COL4A6: variants seen among roughly 807,000 people sequenced by gnomAD.
The protein encoded by COL4A6 is collagen alpha-6(IV) chain.
In COL4A6, 59 loss-of-function variants were observed where a neutral mutation model predicts 126.7. The observed-to-expected ratio is 0.47, with a 90% CI of 0.38 to 0.58. The LOEUF is 0.58. Ranked by LOEUF, COL4A6 falls within the 20% of genes least tolerant of loss-of-function variation. The probability of loss-of-function intolerance (pLI) is 0.00; values close to 1 mark genes in which losing one functional copy is unlikely to be tolerated. For missense variants in COL4A6, 1,285 were observed against 1,337.3 expected (o/e 0.96, Z 0.61); for synonymous variants, 547 against 496.6 (o/e 1.10, Z -1.35).
At chrX:108,429,890 T>C (rs1015087570) in intron 2 of COL4A6, among the ~76,000 whole-genome samples, 1 of 111,599 alleles carries the variant, frequency 9.0e-6, no homozygotes, top group East Asian at 2.8e-4. Context: ...ATTTTTAAGA[T>C]AGACAGGGAG....
chrX:108,162,526 C>T (rs908040248), intron 41 of COL4A6, among the ~76,000 whole-genome samples: 1 of 111,033 alleles, frequency 9.0e-6, no homozygotes, highest in African/African-American at 3.3e-5. Context: ...AGAGAGACTT[C>T]TAACTTACTC....
At chrX:108,331,312 C>T (rs2039292516) in intron 2 of COL4A6, among the ~76,000 whole-genome samples, 1 of 111,502 alleles carries the variant, frequency 9.0e-6, no homozygotes, top group African/African-American at 3.3e-5. Flanking sequence ...AGAAATACAT[C>T]CTTAGGCGAT....
chrX:108,368,305 T>C (rs1422598712), intron 2 of COL4A6, among the ~76,000 whole-genome samples: 1 of 111,510 alleles, frequency 9.0e-6, no homozygotes, highest in Non-Finnish European at 1.9e-5. Context: ...TCCAAACATA[T>C]CAAAACCTAG....
intron 2 of COL4A6, among the ~76,000 whole-genome samples, chrX:108,379,804 A>G (rs754262353): frequency 1.4e-4 from 15 of 110,251 alleles, no homozygotes; most frequent in African/African-American, 4.3e-4. Context: ...CTCACATTTA[A>G]AATAAGTTAA....
chrX:108,409,795 C>T (rs1246804578), intron 2 of COL4A6, among the ~76,000 whole-genome samples: 1 of 111,909 alleles, frequency 8.9e-6, no homozygotes, highest in Non-Finnish European at 1.9e-5. Flanking sequence ...CTCTGTAGGA[C>T]AAAAGTGGTA....
At chrX:108,247,659 T>C (rs1206538100) in intron 3 of COL4A6, among the ~76,000 whole-genome samples, 1 of 111,274 alleles carries the variant, frequency 9.0e-6, no homozygotes, top group Non-Finnish European at 1.9e-5. Flanking sequence ...ATACCATTTG[T>C]ATCTGTCCTC....
At chrX:108,194,478 T>A in intron 16 of COL4A6, 56 bp downstream of exon 16, 1 of 1,050,341 alleles carries the variant, frequency 9.5e-7, no homozygotes, top group Non-Finnish European at 1.3e-6. Context: ...TACAGACATT[T>A]GTGGTAATTC....
At chrX:108,385,863 C>T (rs1475210387) in intron 2 of COL4A6, among the ~76,000 whole-genome samples, 1 of 109,463 alleles carries the variant, frequency 9.1e-6, no homozygotes, top group African/African-American at 3.3e-5. Context: ...GCTATCTCTC[C>T]CCTAGACCCC....
intron 8 of COL4A6, chrX:108,206,787 T>G (rs777449936): frequency 3.8e-6 from 2 of 519,683 alleles, no homozygotes; most frequent in South Asian, 4.8e-5. Flanking sequence ...CAATAAGAAG[T>G]AGCAAACTAC....
intron 5 of COL4A6, among the ~76,000 whole-genome samples, 157 bp downstream of exon 5, chrX:108,219,541 G>T (rs920459821): frequency 8.9e-5 from 10 of 111,837 alleles, no homozygotes; most frequent in African/African-American, 3.3e-4. Flanking sequence ...AAGGGCAATT[G>T]TGTGTGACCA....
chrX:108,281,092 G>A (rs1440347022), intron 3 of COL4A6, among the ~76,000 whole-genome samples: 1 of 97,861 alleles, frequency 1.0e-5, no homozygotes, highest in Non-Finnish European at 2.1e-5. Flanking sequence ...CACAAGACAG[G>A]GATGCCCTCT....
chrX:108,210,463 T>A (rs1330079805), intron 7 of COL4A6, among the ~76,000 whole-genome samples: 1 of 112,628 alleles, frequency 8.9e-6, no homozygotes, highest in Non-Finnish European at 1.9e-5. Context: ...CTGATTATGT[T>A]TTAATTACTT....
chrX:108,170,522 C>A, intron 35 of COL4A6, 87 bp downstream of exon 35: 3 of 765,851 alleles, frequency 3.9e-6, no homozygotes, highest in Non-Finnish European at 6.0e-6. Context: ...TGGCTTAACC[C>A]TAGCTAGTAT....
At chrX:108,243,617 TCTGA>T (rs1266297857) in intron 3 of COL4A6, among the ~76,000 whole-genome samples, 1 of 112,076 alleles carries the variant, frequency 8.9e-6, no homozygotes, top group African/African-American at 3.2e-5. Context: ...GGCAGTTCAA[TCTGA>T]CTAAGATAAG....
chrX:108,212,241 A>T (rs1346689602), intron 6 of COL4A6, among the ~76,000 whole-genome samples: 2 of 110,104 alleles, frequency 1.8e-5, no homozygotes, highest in Non-Finnish European at 3.8e-5. Flanking sequence ...TAAAAAAAAA[A>T]AAAACAGGCC....
chrX:108,346,799 A>G (rs1456788238), intron 2 of COL4A6, among the ~76,000 whole-genome samples: 1 of 112,488 alleles, frequency 8.9e-6, no homozygotes, highest in African/African-American at 3.2e-5. Flanking sequence ...AGAAAAGTTA[A>G]TAAGAACAAG....
At chrX:108,405,445 A>C (rs2041186647) in intron 2 of COL4A6, among the ~76,000 whole-genome samples, 1 of 110,932 alleles carries the variant, frequency 9.0e-6, no homozygotes, top group Non-Finnish European at 1.9e-5. Context: ...TCAGCCTCCC[A>C]AAGTGCTGGT....
At chrX:108,210,123 CAA>C in intron 7 of COL4A6, 119 bp from the exon 8 acceptor site, 3 of 654,113 alleles carry the variant, frequency 4.6e-6, no homozygotes, top group Non-Finnish European at 6.9e-6. Context: ...CCTCCTCTGT[CAA>C]AGTCTTGTGT....
At chrX:108,197,772 AGTGTGTGTGTGTGTGT>A (rs57928875) in intron 13 of COL4A6, among the ~76,000 whole-genome samples, 1 of 87,235 alleles carries the variant, frequency 1.1e-5, no homozygotes, top group African/African-American at 4.2e-5. Context: ...TATTGGGAGG[AGTGTGTGTGTGTGTGT>A]GTGTGTGTGT....
Sources: allele counts gnomAD v4.1 joint callset (sites outside exome capture counted in the v4.1 genomes callset), GRCh38; gene constraint gnomAD v4.1.1; transcripts MANE v1.5; gene names NCBI Gene and HGNC (gene_info 2026-07-23, HGNC 2026-07-21).